Variants in ZSCAN30 observed in about 807,000 individuals in gnomAD.
ZSCAN30 encodes the protein zinc finger and SCAN domain-containing protein 30.
In ZSCAN30, 37 loss-of-function variants were observed where a neutral mutation model predicts 44.3. That is an observed-to-expected ratio of 0.84 (90% CI 0.64 to 1.10). The LOEUF (loss-of-function observed/expected upper bound fraction) is 1.10. Ranked by LOEUF, ZSCAN30 falls within the 50% of genes least tolerant of loss-of-function variation. The pLI, the probability that ZSCAN30 is intolerant of heterozygous loss-of-function variation, is 0.00. For missense variants in ZSCAN30, 549 were observed against 582.6 expected (o/e 0.94, Z 0.59); for synonymous variants, 181 against 204.6 (o/e 0.88, Z 0.98).
chr18:35,257,750 G>T (rs765023259), intron 3 of ZSCAN30, among the ~76,000 whole-genome samples: 4 of 152,196 alleles, frequency 2.6e-5, no homozygotes, highest in Admixed American at 6.5e-5. Context: ...GGCCCAGGAA[G>T]TAACTTCCAC....
chr18:35,269,675 T>C (rs2044231714), intron 1 of ZSCAN30: 1 of 152,206 alleles, frequency 6.6e-6, no homozygotes, highest in Non-Finnish European at 1.5e-5. Context: ...AGTAAAATTT[T>C]CATTTCATTG....
At chr18:35,254,779 G>A (rs990408417) in intron 3 of ZSCAN30, among the ~76,000 whole-genome samples, 3 of 152,154 alleles carry the variant, frequency 2.0e-5, no homozygotes, top group Non-Finnish European at 2.9e-5. Context: ...AGATATCTAA[G>A]AGTCTTAAAT....
chr18:35,276,392 C>G (rs1380278426), intron 1 of ZSCAN30, among the ~76,000 whole-genome samples: 1 of 152,038 alleles, frequency 6.6e-6, no homozygotes, highest in African/African-American at 2.4e-5. Context: ...CAGGGCATGT[C>G]AGAGACCTTC....
In ZSCAN30 at chr18:35,252,891, G is replaced by A. The variant is rs1243434509; in HGVS notation, c.*559C>T. On this transcript the variant is annotated 3_prime_UTR_variant, in exon 4 of 4. Transcript: ENST00000333206. ...TCAGCAGGAAGCTCAGGATTGAGGA[G>A]ACAACTGGCAAGGGGGCAGAATGAG... 1 of 153,386 alleles carries A rather than the reference G, an allele frequency of 6.5e-6. No individual in the cohort carries two copies. The highest frequency in any genetic ancestry group is 2.4e-5 in the African/African-American group (1 of 41,446). The allele number at this position is 153,386 out of a possible 1,614,324, so 9.5% of individuals were successfully genotyped here. A position where few individuals can be genotyped will look rare whatever the true frequency, so the allele number is the denominator to read the frequency against.
intron 1 of ZSCAN30, chr18:35,283,586 T>G (rs923389283): frequency 2.0e-5 from 3 of 152,472 alleles, no homozygotes; most frequent in Non-Finnish European, 4.4e-5. Context: ...CTGCACACAG[T>G]CAGGCACGCT....
intron 1 of ZSCAN30, among the ~76,000 whole-genome samples, chr18:35,277,437 G>A (rs2044385645): frequency 6.6e-6 from 1 of 152,160 alleles, no homozygotes; most frequent in African/African-American, 2.4e-5. Context: ...CATGTGTCAT[G>A]AGAGGGACCC....
rs1345008967 is a variant in ZSCAN30, at chr18:35,254,585, G to C, written c.554-204C>G. On this transcript the variant is annotated intron_variant, in intron 3 of 3. Coordinates refer to ENST00000333206, the MANE Select transcript of ZSCAN30 (RefSeq NM_001112734.4). ...TGGAGAGTAAGGTAGACAAAGAAAT[G>C]AATTAGTATTGGAGAAGAGGGATGG... 7 of 835,552 alleles carry C rather than the reference G, an allele frequency of 8.4e-6. No individual in the cohort carries two copies. The East Asian group carries it at 1.9e-4, about 23-fold the overall frequency. 51.8% of individuals were successfully genotyped at this position (835,552 alleles called of 1,614,324 possible).
chr18:35,254,404 TAA>T lies in ZSCAN30; in HGVS notation c.554-25_554-24del, dbSNP rs2043718112. 3 of 1,613,744 alleles carry T rather than the reference TAA, an allele frequency of 1.9e-6. No individual in the cohort carries two copies. In the South Asian group the frequency reaches 3.3e-5, roughly 18 times the overall value. On this transcript the variant is annotated intron_variant, in intron 3 of 3. Transcript: ENST00000333206. ...CATCTAAAAATGTGAATAGAAAGTG[TAA>T]GTATCATTTACTTCCCATGACAGAA...
chr18:35,278,113 T>G (rs1203897884), intron 1 of ZSCAN30, among the ~76,000 whole-genome samples: 2 of 152,102 alleles, frequency 1.3e-5, no homozygotes, highest in Non-Finnish European at 2.9e-5. Context: ...GTTATTTAAT[T>G]TCCAAATATT....
chr18:35,265,476 C>T (rs190366426), intron 1 of ZSCAN30, among the ~76,000 whole-genome samples: 1 of 152,242 alleles, frequency 6.6e-6, no homozygotes, highest in East Asian at 1.9e-4. Context: ...AGACATGAAC[C>T]CAGGCTGCAA....
chr18:35,283,778 G>T, intron 1 of ZSCAN30: 1 of 152,528 alleles, frequency 6.6e-6, no homozygotes, highest in South Asian at 2.0e-4. Context: ...CTTCCTGAAG[G>T]GCCACAGCTC....
intron 1 of ZSCAN30, chr18:35,282,287 C>G (rs1438622343): frequency 1.3e-5 from 2 of 152,160 alleles, no homozygotes; most frequent in Admixed American, 6.5e-5. Flanking sequence ...AACAAAAAGA[C>G]TATTTTCCTC....
rs542590899 is a variant in ZSCAN30 at position 35,251,301 on chromosome 18, T to TAA, written c.*2148_*2149insTT. 6.6e-6 allele frequency: 1 copy of TAA among 152,154 alleles called. No individual in the cohort carries two copies. Among genetic ancestry groups the TAA allele is most frequent in the Non-Finnish European group, 1.5e-5 (1 of 68,028 alleles). The allele number at this position is 152,154 out of a possible 1,614,324, so 9.4% of individuals were successfully genotyped here. On this transcript the variant is annotated 3_prime_UTR_variant, in exon 4 of 4. Transcript: ENST00000333206. Reference sequence around the variant, plus strand: ...TCTCATTTTCTGTATTACCAACACTTACAATTCACAATCAGGAGAAAAACC... The same window carrying TAA: ...TCTCATTTTCTGTATTACCAACACTTAAACAATTCACAATCAGGAGAAAAACC...
chr18:35,267,658 C>G (rs1412416525), intron 1 of ZSCAN30: 2 of 152,104 alleles, frequency 1.3e-5, no homozygotes, highest in African/African-American at 4.8e-5. Context: ...GGGGGCATCG[C>G]AGAGTACAAG....
At chr18:35,283,479 T>G (rs996415154) in intron 1 of ZSCAN30, 1 of 152,250 alleles carries the variant, frequency 6.6e-6, no homozygotes, top group Non-Finnish European at 1.5e-5. Context: ...AGGCTGTGCT[T>G]GGCTAATGCT....
At chr18:35,281,180 TTGG>T (rs547210109) in intron 1 of ZSCAN30, 19 of 152,366 alleles carry the variant, frequency 1.2e-4, no homozygotes, top group East Asian at 9.6e-4. Context: ...AGGTAGAATA[TTGG>T]TGGTGGCCTA....
intron 1 of ZSCAN30, among the ~76,000 whole-genome samples, chr18:35,271,168 C>G (rs8094737): frequency 0.78 from 118,923 of 152,008 alleles, 48,152 homozygotes; most frequent in Non-Finnish European, 0.89. Context: ...AAGGACCCCA[C>G]CAGGTTCCTG....
At chr18:35,263,487 A>G in intron 3 of ZSCAN30, 26 bp downstream of exon 3, 1 of 1,613,428 alleles carries the variant, frequency 6.2e-7, no homozygotes, top group Admixed American at 1.7e-5. Context: ...TCCATCCTCA[A>G]CCCCACATGG....
Position 35,266,505 on chromosome 18 carries a change from T to C in ZSCAN30, c.-103-2050A>G, listed in dbSNP as rs1452848591. Reference sequence around the variant, plus strand: ...CAAGTTTGTGGTTGGCCCTTGTGACTAGAGGATGATGGTGCTATTTGCTGA... The same window carrying C: ...CAAGTTTGTGGTTGGCCCTTGTGACCAGAGGATGATGGTGCTATTTGCTGA... On this transcript the variant is annotated intron_variant, in intron 1 of 3. Coordinates refer to ENST00000333206, the MANE Select transcript of ZSCAN30 (RefSeq NM_001112734.4). 2.0e-5 allele frequency among the ~76,000 whole-genome samples: 3 copies of C among 152,058 alleles called. No individual in the cohort carries two copies. In the East Asian group the frequency reaches 5.8e-4, roughly 29 times the overall value.
Sources: allele counts gnomAD v4.1 joint callset (sites outside exome capture counted in the v4.1 genomes callset), GRCh38; gene constraint gnomAD v4.1.1; transcripts MANE v1.5; gene names NCBI Gene and HGNC (gene_info 2026-07-23, HGNC 2026-07-21).